Variants in IFNLR1 observed in about 807,000 individuals in gnomAD.
IFNLR1 encodes CRF2-12.
In IFNLR1, 28 loss-of-function variants were observed where a neutral mutation model predicts 52.5. The ratio of observed to expected loss-of-function variants is 0.53; its 90% confidence interval spans 0.40 to 0.73. The LOEUF (loss-of-function observed/expected upper bound fraction) is 0.73. Among genes scored for constraint, IFNLR1 ranks in the 30% least tolerant of loss-of-function variants. IFNLR1 has a pLI of 0.00. For missense variants in IFNLR1, 623 were observed against 659.1 expected, an observed-to-expected ratio of 0.95 and a Z score of 0.60; for synonymous variants, 276 against 274.9, an observed-to-expected ratio of 1.00 and a Z score of -0.04.
chr1:24,181,764 C>T lies in IFNLR1; in HGVS notation c.59-910G>A, dbSNP rs186726261. ...GCTGGGAACACAGTCTGGCTCCCAG[C>T]GCCAGAGCAATGGTCAGACAGGCAT... On this transcript the variant is annotated intron_variant, in intron 1 of 6. Coordinates refer to ENST00000327535, the MANE Select transcript of IFNLR1 (RefSeq NM_170743.4). Among the ~76,000 whole-genome samples, 17 of 152,234 alleles carry T rather than the reference C, an allele frequency of 1.1e-4. No homozygotes were observed. The East Asian group carries it at 2.9e-3, about 26-fold the overall frequency.
intron 3 of IFNLR1, among the ~76,000 whole-genome samples, chr1:24,166,288 T>C (rs1423205692): frequency 6.6e-6 from 1 of 152,074 alleles, no homozygotes; most frequent in Non-Finnish European, 1.5e-5. Context: ...CCTCCTTTCT[T>C]ATTATTCATT....
In IFNLR1 at chr1:24,156,655, A is replaced by G. The variant is rs1644381337; in HGVS notation, c.*475T>C. On this transcript the variant is annotated 3_prime_UTR_variant, in exon 7 of 7. Coordinates refer to ENST00000327535, the MANE Select transcript of IFNLR1 (RefSeq NM_170743.4). ...TTATCTGGGCCTAACTAGGGGACCC[A>G]TGAATCAGGAGGCTGAGCCCTGGGA... is the stretch of plus-strand genomic sequence containing the variant. 1 of 156,304 alleles carries G rather than the reference A, an allele frequency of 6.4e-6. No individual in the cohort carries two copies. Among genetic ancestry groups the G allele is most frequent in the Non-Finnish European group, 1.4e-5 (1 of 71,168 alleles). The allele number at this position is 156,304 out of a possible 1,614,324, so 9.7% of individuals were successfully genotyped here.
intron 3 of IFNLR1, 102 bp downstream of exon 3, chr1:24,169,315 A>C: frequency 9.0e-7 from 1 of 1,111,928 alleles, no homozygotes; most frequent in Non-Finnish European, 1.3e-6. Flanking sequence ...GCTTTGGGGA[A>C]GTGGGAGACA....
At chr1:24,184,821 C>A (rs1644721508) in intron 1 of IFNLR1, among the ~76,000 whole-genome samples, 1 of 152,144 alleles carries the variant, frequency 6.6e-6, no homozygotes, top group Non-Finnish European at 1.5e-5. Flanking sequence ...GAGTTTGAGA[C>A]CAGCCTGGCC....
rs1569714370 is a variant in IFNLR1, at chr1:24,187,083, G to A, written c.58+108C>T. On this transcript the variant is annotated intron_variant, in intron 1 of 6. Transcript: ENST00000327535. Reference sequence around the variant, plus strand: ...GCAGGGCCGATTCGCACCCGGCTCGGGTGGCTGCGGACCCCGTGCCTGTCC... The same window carrying A: ...GCAGGGCCGATTCGCACCCGGCTCGAGTGGCTGCGGACCCCGTGCCTGTCC... 1.2e-5 allele frequency: 8 copies of A among 652,636 alleles called. No individual in the cohort carries two copies. The East Asian group carries it at 2.8e-4, about 23-fold the overall frequency. The allele number at this position is 652,636 out of a possible 1,614,324, so 40.4% of individuals were successfully genotyped here.
chr1:24,169,722 A>T (rs1644559250), intron 2 of IFNLR1, 121 bp from the exon 3 acceptor site: 1 of 1,024,092 alleles, frequency 9.8e-7, no homozygotes, highest in Non-Finnish European at 1.4e-6. Flanking sequence ...CCATCCGTCC[A>T]GACAGGCAGC....
chr1:24,159,229 C>T (rs1301007900), intron 5 of IFNLR1, 47 bp from the exon 6 acceptor site: 12 of 1,607,718 alleles, frequency 7.5e-6, no homozygotes, highest in Non-Finnish European at 8.5e-6. Flanking sequence ...TGGCTCTTGT[C>T]TACAACTGCA....
rs1274165793 is a variant in IFNLR1 at position 24,162,726 on chromosome 1, T to C, written c.368-1042A>G. 4.7e-4 allele frequency among the ~76,000 whole-genome samples: 3 copies of C among 6,426 alleles called. No individual in the cohort carries two copies. The East Asian group carries it at 0.03, about 64-fold the overall frequency. The allele number at this position is 6,426 out of a possible 152,430, so 4.2% of individuals were successfully genotyped here. Reference sequence around the variant, plus strand: ...CTTTTCTTTTCTTTCTTTCTTTCTTTTCTTTCTTTCTTTCTTTCTTTCTTT... The same window carrying C: ...CTTTTCTTTTCTTTCTTTCTTTCTTCTCTTTCTTTCTTTCTTTCTTTCTTT... On this transcript the variant is annotated intron_variant, in intron 3 of 6. Transcript: ENST00000327535.
chr1:24,185,176 A>G (rs570369425), intron 1 of IFNLR1, among the ~76,000 whole-genome samples: 1 of 152,286 alleles, frequency 6.6e-6, no homozygotes, highest in East Asian at 1.9e-4. Context: ...TATAATCGTT[A>G]CAGATGGGAA....
intron 3 of IFNLR1, among the ~76,000 whole-genome samples, chr1:24,167,313 T>C (rs1644530161): frequency 1.3e-5 from 2 of 152,200 alleles, no homozygotes; most frequent in South Asian, 4.1e-4. Flanking sequence ...GTCCAGCCCA[T>C]GACTGCATGC....
Position 24,159,556 on chromosome 1 carries a change from G to A in IFNLR1, c.588C>T (p.Leu196=). The part of the protein sequence containing the change: ...LQPAASEHHC[L]SARTIYTFSV... ...TGAACGTGTAGATGGTTCTGGCACT[G>A]AGGCAGTGGTGTTCGCTGGCAGCTG... The change falls in exon 5 of 7, where the codon CTC becomes CTT. Residue 196 remains leucine, a synonymous_variant. Coordinates refer to ENST00000327535, the MANE Select transcript of IFNLR1 (RefSeq NM_170743.4). The A allele has an allele frequency of 6.2e-7, 1 of 1,613,872 alleles. No homozygotes were observed. Among genetic ancestry groups the A allele is most frequent in the Non-Finnish European group, 8.5e-7 (1 of 1,179,902 alleles).
intron 6 of IFNLR1, among the ~76,000 whole-genome samples, chr1:24,158,283 C>T (rs1169762202): frequency 1.3e-5 from 2 of 152,218 alleles, no homozygotes; most frequent in Admixed American, 1.3e-4. Flanking sequence ...CCAGAGAAAG[C>T]CCATTGGGTG....
intron 1 of IFNLR1, among the ~76,000 whole-genome samples, chr1:24,182,977 C>A (rs1159123289): frequency 6.6e-6 from 1 of 151,998 alleles, no homozygotes; most frequent in Non-Finnish European, 1.5e-5. Context: ...ATATACATTT[C>A]TTTTCTGTTG....
chr1:24,180,679 C>A, intron 2 of IFNLR1, 52 bp downstream of exon 2: 1 of 1,158,228 alleles, frequency 8.6e-7, no homozygotes, highest in South Asian at 1.3e-5. Flanking sequence ...CCCTCCAGCC[C>A]CCACCCACCC....
chr1:24,166,278 C>T (rs983569755), intron 3 of IFNLR1, among the ~76,000 whole-genome samples: 4 of 151,866 alleles, frequency 2.6e-5, no homozygotes, highest in Admixed American at 2.6e-4. Context: ...TCTTCCTATG[C>T]CTCCTTTCTT....
At chr1:24,166,695 C>G (rs1569654642) in intron 3 of IFNLR1, among the ~76,000 whole-genome samples, 1 of 151,766 alleles carries the variant, frequency 6.6e-6, no homozygotes, top group South Asian at 2.1e-4. Context: ...CACAGGTGCC[C>G]ACCACCGTAC....
chr1:24,180,676 GCCCCCACCC>G, intron 2 of IFNLR1, 46 bp downstream of exon 2: 1 of 455,864 alleles, frequency 2.2e-6, no homozygotes, highest in Non-Finnish European at 4.3e-6. Context: ...AGCCCCTCCA[GCCCCCACCC>G]ACCCCCTCAG....
chr1:24,182,071 A>G (rs1003447741), intron 1 of IFNLR1, among the ~76,000 whole-genome samples: 2 of 152,112 alleles, frequency 1.3e-5, no homozygotes, highest in African/African-American at 4.8e-5. Flanking sequence ...ATGATGGCAC[A>G]GGGCTGTAAT....
intron 3 of IFNLR1, among the ~76,000 whole-genome samples, chr1:24,162,739 T>G (rs1472151993): frequency 3.2e-4 from 8 of 24,874 alleles, no homozygotes; most frequent in African/African-American, 1.1e-3. Flanking sequence ...TTTCTTTCTT[T>G]CTTTCTTTCT....
Sources: gnomAD v4.1 joint callset for allele counts (sites outside exome capture counted in the v4.1 genomes callset) on GRCh38, gnomAD v4.1.1 for gene constraint, MANE v1.5 for transcripts, NCBI Gene and HGNC (gene_info 2026-07-23, HGNC 2026-07-21) for gene names.